The following COL6A2 variants were observed in gnomAD, a reference collection of about 807,000 sequenced individuals.
The protein encoded by COL6A2 is collagen type VI alpha 2 chain.
COL6A2 carries 90 observed loss-of-function variants against 124.9 expected under a neutral mutation model. That is an observed-to-expected ratio of 0.72 (90% CI 0.61 to 0.86). The LOEUF is 0.86. Among genes scored for constraint, COL6A2 ranks in the 40% least tolerant of loss-of-function variants. COL6A2 has a pLI of 0.00. For missense variants in COL6A2, 1,607 were observed against 1,502.5 expected, an observed-to-expected ratio of 1.07 and a Z score of -1.15; for synonymous variants, 793 against 618.2, an observed-to-expected ratio of 1.28 and a Z score of -4.19.
intron 1 of COL6A2, 129 bp from the exon 2 acceptor site, chr21:46,111,321 C>G (rs974129704): frequency 9.7e-6 from 6 of 621,544 alleles, no homozygotes; most frequent in African/African-American, 9.1e-5. Context: ...TGGGCGCAGA[C>G]CCCGCTTCCT....
At chr21:46,114,269 A>G (rs1306610528) in intron 5 of COL6A2, among the ~76,000 whole-genome samples, 196 bp downstream of exon 5, 1 of 151,972 alleles carries the variant, frequency 6.6e-6, no homozygotes, top group Non-Finnish European at 1.5e-5. Context: ...TACTAAAAAT[A>G]CAAAAATTAG....
Position 46,128,951 on chromosome 21 carries a change from T to G in COL6A2, c.2461+2410T>G, listed in dbSNP as rs768261783. On this transcript the variant is annotated intron_variant, in intron 27 of 27. Transcript: ENST00000300527. ...TGAAAGGTTTTCTCGGGGTCCGTGG[T>G]GTCCCCCAAAGGTGCCACCGTGCGG... 72 of 1,611,080 alleles carry G rather than the reference T, an allele frequency of 4.5e-5. No individual in the cohort carries two copies. The African/African-American group carries it at 8.8e-4, about 20-fold the overall frequency.
chr21:46,125,945 C>G lies in COL6A2; in HGVS notation c.2130C>G (p.Ala710=). Residue 710 remains alanine, a synonymous_variant, in exon 26 of 28, where the codon GCC becomes GCG. Coordinates refer to ENST00000300527, the MANE Select transcript of COL6A2 (RefSeq NM_001849.4). ...GTWTPSALKF[A]YDRLIKESRR... ...GGACACCCTCAGCCCTCAAGTTTGC[C>G]TACGACCGCCTCATCAAGGAGAGCC... is the stretch of plus-strand genomic sequence containing the variant. The G allele has an allele frequency of 6.2e-7, 1 of 1,613,154 alleles. No individual in the cohort carries two copies. The highest frequency in any genetic ancestry group is 1.3e-5 in the African/African-American group (1 of 75,022).
chr21:46,126,603 C>T (rs1453336270), intron 27 of COL6A2, 62 bp downstream of exon 27: 5 of 1,602,074 alleles, frequency 3.1e-6, no homozygotes, highest in African/African-American at 1.3e-5. Context: ...TGTCCTTCCT[C>T]CTCGAGGGCC....
intron 11 of COL6A2, 194 bp downstream of exon 11, chr21:46,117,647 G>T (rs2078493473): frequency 2.7e-6 from 2 of 740,630 alleles, no homozygotes; most frequent in Non-Finnish European, 4.6e-6. Flanking sequence ...GCTCCTGGCG[G>T]ATCCCCGTGG....
At chr21:46,113,004 G>C (rs1276240684) in intron 4 of COL6A2, 180 bp downstream of exon 4, 15 of 762,480 alleles carry the variant, frequency 2.0e-5, no homozygotes, top group African/African-American at 5.2e-5. Flanking sequence ...GCCAAAGCTA[G>C]GCTGTTTAGA....
chr21:46,112,866 G>A (rs1396012832), intron 4 of COL6A2, 42 bp downstream of exon 4: 2 of 1,612,714 alleles, frequency 1.2e-6, no homozygotes, highest in East Asian at 2.2e-5. Context: ...GCCGGCAGCT[G>A]ACCCAGCAGA....
intron 15 of COL6A2, among the ~76,000 whole-genome samples, chr21:46,120,314 G>C (rs1322156974): frequency 2.6e-5 from 4 of 152,158 alleles, no homozygotes; most frequent in African/African-American, 7.2e-5. Flanking sequence ...GGGACCGAGA[G>C]ACACCGTGCT....
At chr21:46,125,000 C>A in intron 23 of COL6A2, 80 bp downstream of exon 23, 1 of 1,538,626 alleles carries the variant, frequency 6.5e-7, no homozygotes, top group South Asian at 1.1e-5. Context: ...GGGGGAAGGT[C>A]AGCTGGCACG....
intron 1 of COL6A2, 87 bp downstream of exon 1, chr21:46,098,260 C>G (rs2078247197): frequency 6.6e-6 from 1 of 152,240 alleles, no homozygotes; most frequent in Non-Finnish European, 1.5e-5. Context: ...GGCGGCGGCT[C>G]CGTCCCTCGG....
At chr21:46,114,207 ACAAC>A in intron 5 of COL6A2, 134 bp downstream of exon 5, 2 of 737,704 alleles carry the variant, frequency 2.7e-6, no homozygotes, top group Non-Finnish European at 4.9e-6. Flanking sequence ...CGGGCGGATC[ACAAC>A]GTCAGGAGAT....
intron 15 of COL6A2, among the ~76,000 whole-genome samples, chr21:46,120,136 C>A (rs6147541): frequency 1.1e-5 from 1 of 88,232 alleles, no homozygotes; most frequent in African/African-American, 3.5e-5. Flanking sequence ...CCCACTGAGG[C>A]ACCTCTTACC....
chr21:46,116,258 C>T lies in COL6A2; in HGVS notation c.901-119C>T, dbSNP rs1483161729. 7.0e-6 allele frequency: 9 copies of T among 1,288,528 alleles called. No individual in the cohort carries two copies. The highest frequency in any genetic ancestry group is 1.8e-4 in the Middle Eastern group (1 of 5,486). 79.8% of individuals were successfully genotyped at this position (1,288,528 alleles called of 1,614,324 possible). The stretch of plus-strand genomic sequence containing the variant: ...TCAGCCTCCTCCGCAGACTGTTTGT[C>T]GAGAACACTAGATGCCAGCGGCCCA... On this transcript the variant is annotated intron_variant, in intron 7 of 27. Coordinates refer to ENST00000300527, the MANE Select transcript of COL6A2 (RefSeq NM_001849.4). The surrounding 1 kb of genome is among the most constrained non-coding windows in gnomAD (Gnocchi z 4.6).
At position 46,131,979 on chromosome 21, in the gene COL6A2, G is replaced by A; in HGVS notation, c.2487G>A (p.Gln829=). 7 of 1,608,766 alleles carry A rather than the reference G, an allele frequency of 4.4e-6. No individual in the cohort carries two copies. The highest frequency in any genetic ancestry group is 1.7e-4 in the Middle Eastern group (1 of 6,030). The change falls in exon 28 of 28, where the codon CAG becomes CAA. Residue 829 remains glutamine, a synonymous_variant. Transcript: ENST00000300527. The part of the protein sequence containing the change: ...QTELSVAQCT[Q]RPVDIVFLLD... ...AGCTGTCCGTGGCACAGTGCACGCA[G>A]CGGCCCGTGGACATCGTCTTCCTGC...
chr21:46,131,330 C>T (rs947248985), intron 27 of COL6A2, among the ~76,000 whole-genome samples: 5 of 152,238 alleles, frequency 3.3e-5, no homozygotes, highest in African/African-American at 1.2e-4. Context: ...GGTGACCACC[C>T]AGGCAGGTGG....
At chr21:46,128,999 T>C (rs994166702) in intron 27 of COL6A2, 1 of 1,604,838 alleles carries the variant, frequency 6.2e-7, no homozygotes, top group African/African-American at 1.4e-5. Flanking sequence ...CCTGCCAGCT[T>C]CCTGTCCCTG....
At chr21:46,105,849 AAATG>A (rs903724539) in intron 1 of COL6A2, among the ~76,000 whole-genome samples, 1 of 152,250 alleles carries the variant, frequency 6.6e-6, no homozygotes, top group Non-Finnish European at 1.5e-5. Context: ...AAAAAATGCA[AAATG>A]AAAGAAGTCC....
intron 27 of COL6A2, chr21:46,128,892 C>T (rs776320722): frequency 9.3e-6 from 15 of 1,609,558 alleles, no homozygotes; most frequent in South Asian, 5.5e-5. Flanking sequence ...TTTGGCCTGT[C>T]TCCGGCACAG....
chr21:46,125,009 C>T (rs544845768), intron 23 of COL6A2, 89 bp downstream of exon 23: 122 of 1,505,758 alleles, frequency 8.1e-5, no homozygotes, highest in Admixed American at 3.4e-4. Context: ...TCAGCTGGCA[C>T]GGTCAGAGAG....
Sources: allele counts gnomAD v4.1 joint callset (sites outside exome capture counted in the v4.1 genomes callset), GRCh38; gene constraint gnomAD v4.1.1; non-coding constraint Gnocchi (gnomAD v3.1); transcripts MANE v1.5; gene names NCBI Gene and HGNC (gene_info 2026-07-23, HGNC 2026-07-21).